TBC1D22A: variants seen among roughly 807,000 people sequenced by gnomAD.
TBC1D22A encodes the protein putative GTPase activator.
Under a neutral mutation model 60.2 loss-of-function variants are expected in TBC1D22A, and 38 were observed. That is an observed-to-expected ratio of 0.63 (90% confidence interval 0.49 to 0.83). The LOEUF is 0.83. Among genes scored for constraint, TBC1D22A ranks in the 40% least tolerant of loss-of-function variants. TBC1D22A has a pLI of 0.00. For synonymous variants in TBC1D22A, 302 were observed against 281.7 expected (o/e 1.07, Z -0.72); for missense variants, 628 against 701.0 (o/e 0.90, Z 1.18).
In TBC1D22A at chr22:46,797,533, ACT is replaced by A; in HGVS notation, c.554_555del (p.Leu185GlnfsTer28). 2.5e-6 allele frequency: 4 copies of A among 1,614,038 alleles called. No individual in the cohort carries two copies. Among genetic ancestry groups the A allele is most frequent in the Non-Finnish European group, 3.4e-6 (4 of 1,180,032 alleles). On this transcript the variant is annotated frameshift_variant, in exon 4 of 13. Coordinates refer to ENST00000337137, the MANE Select transcript of TBC1D22A (RefSeq NM_014346.5). LOFTEE classifies it high-confidence loss of function. ...GCTGGGTGGCACATCTGACCCCAGCACTCTCAGCAGCTCAGCGCTGAGCGAAA... is the reference window on the plus strand; with the variant it reads ...GCTGGGTGGCACATCTGACCCCAGCACTCAGCAGCTCAGCGCTGAGCGAAA... Reference protein sequence around the residue: ...VTLGGTSDPSTLSSSALSERE... With the variant: ...VTLGGTSDPSXLSSSALSERE...
chr22:46,941,208 T>TACACACACACACACACACACACAC (rs71315174), intron 8 of TBC1D22A, among the ~76,000 whole-genome samples: 2 of 84,848 alleles, frequency 2.4e-5, no homozygotes, highest in African/African-American at 4.9e-5. Context: ...TATATATGTA[T>TACACACACACACACACACACACAC]ACACACACAC....
intron 10 of TBC1D22A, among the ~76,000 whole-genome samples, chr22:47,029,295 C>T (rs1387475666): frequency 1.3e-5 from 2 of 151,776 alleles, no homozygotes; most frequent in Admixed American, 6.6e-5. Context: ...CTTCCATACC[C>T]CTTCCCGTGG....
intron 11 of TBC1D22A, among the ~76,000 whole-genome samples, chr22:47,046,401 G>A (rs756832440): frequency 2.9e-4 from 44 of 152,160 alleles, no homozygotes; most frequent in Non-Finnish European, 5.9e-4. Flanking sequence ...AATGCTTTGG[G>A]CCCCAGAGTC....
intron 4 of TBC1D22A, among the ~76,000 whole-genome samples, chr22:46,868,372 A>G (rs2067152139): frequency 6.6e-6 from 1 of 152,166 alleles, no homozygotes; most frequent in African/African-American, 2.4e-5. Context: ...TTGAGGCTAT[A>G]TGTGTAAGGT....
In TBC1D22A at chr22:46,842,021, C is replaced by G. The variant is rs144491881; in HGVS notation, c.638-36632C>G. 2.0e-5 allele frequency among the ~76,000 whole-genome samples: 3 copies of G among 152,294 alleles called. No individual in the cohort carries two copies. In the East Asian group the frequency reaches 5.8e-4, roughly 29 times the overall value. On this transcript the variant is annotated intron_variant, in intron 4 of 12. Coordinates refer to ENST00000337137, the MANE Select transcript of TBC1D22A (RefSeq NM_014346.5). ...TGGAAAAAAATTGCATCCAGATATT[C>G]CTGGTATCCCTAATAATAACATTCT... is the stretch of plus-strand genomic sequence containing the variant.
chr22:46,918,011 G>T (rs539555887), intron 8 of TBC1D22A, among the ~76,000 whole-genome samples: 1 of 152,326 alleles, frequency 6.6e-6, no homozygotes, highest in East Asian at 1.9e-4. Context: ...CTGAAGAGCT[G>T]CAGGCGGCCT....
intron 4 of TBC1D22A, among the ~76,000 whole-genome samples, chr22:46,866,987 G>A (rs1438466002): frequency 6.6e-6 from 1 of 152,170 alleles, no homozygotes; most frequent in African/African-American, 2.4e-5. Flanking sequence ...TGGGCTCATT[G>A]CAGGGAGGCT....
intron 4 of TBC1D22A, among the ~76,000 whole-genome samples, chr22:46,851,839 A>G (rs1442061207): frequency 1.3e-5 from 2 of 152,196 alleles, no homozygotes; most frequent in Non-Finnish European, 2.9e-5. Context: ...TTAGGCTCTT[A>G]ACAGGGGTGT....
chr22:46,845,260 G>A (rs557178735), intron 4 of TBC1D22A, among the ~76,000 whole-genome samples: 22 of 152,334 alleles, frequency 1.4e-4, no homozygotes, highest in East Asian at 3.9e-4. Context: ...TGCTTGAGAC[G>A]TAAGGACGTC....
chr22:46,866,317 C>T (rs2067052106), intron 4 of TBC1D22A, among the ~76,000 whole-genome samples: 1 of 152,132 alleles, frequency 6.6e-6, no homozygotes, highest in Admixed American at 6.5e-5. Flanking sequence ...TTGGGTCAGG[C>T]TGGTCTCAAA....
chr22:47,102,344 C>T (rs572763845), intron 11 of TBC1D22A, among the ~76,000 whole-genome samples: 2 of 152,272 alleles, frequency 1.3e-5, no homozygotes, highest in South Asian at 2.1e-4. Flanking sequence ...CACGCCACAG[C>T]CTCCTCCTGC....
chr22:46,803,802 C>T (rs942469858), intron 4 of TBC1D22A, among the ~76,000 whole-genome samples: 5 of 152,180 alleles, frequency 3.3e-5, no homozygotes, highest in African/African-American at 9.7e-5. Flanking sequence ...TGCAGAGGCC[C>T]GGGGCAGAGG....
chr22:46,890,109 G>A (rs898107331), intron 5 of TBC1D22A, among the ~76,000 whole-genome samples: 5 of 152,350 alleles, frequency 3.3e-5, no homozygotes, highest in African/African-American at 7.2e-5. Flanking sequence ...ACTTTGGGAG[G>A]CTGAGGCGGG....
chr22:46,961,167 T>C (rs1296784001), intron 8 of TBC1D22A, among the ~76,000 whole-genome samples: 3 of 152,160 alleles, frequency 2.0e-5, no homozygotes, highest in African/African-American at 7.2e-5. Context: ...AGCTTTCATA[T>C]TGAACTCTAA....
chr22:46,878,221 T>G (rs1180925192), intron 4 of TBC1D22A, among the ~76,000 whole-genome samples: 2 of 70,816 alleles, frequency 2.8e-5, no homozygotes, highest in Non-Finnish European at 2.6e-5. Flanking sequence ...TATAGAAAGT[T>G]GAGATGGAAG....
chr22:46,834,061 T>C (rs930895359), intron 4 of TBC1D22A, among the ~76,000 whole-genome samples: 2 of 152,204 alleles, frequency 1.3e-5, no homozygotes, highest in Admixed American at 1.3e-4. Flanking sequence ...TAAATTGTAT[T>C]TGGACCCTCT....
At chr22:46,901,122 GAAAT>G (rs1339655929) in intron 7 of TBC1D22A, among the ~76,000 whole-genome samples, 5 of 152,162 alleles carry the variant, frequency 3.3e-5, no homozygotes, top group African/African-American at 1.2e-4. Context: ...GTATATTCCT[GAAAT>G]AAATCCAGAT....
intron 7 of TBC1D22A, among the ~76,000 whole-genome samples, chr22:46,903,151 C>T (rs767015965): frequency 1.4e-4 from 21 of 152,184 alleles, no homozygotes; most frequent in Admixed American, 5.2e-4. Flanking sequence ...ACTCTGCAAC[C>T]CAGCCTCACG....
intron 11 of TBC1D22A, among the ~76,000 whole-genome samples, chr22:47,056,928 G>A (rs534778026): frequency 1.3e-5 from 2 of 152,314 alleles, no homozygotes; most frequent in East Asian, 1.9e-4. Flanking sequence ...CATGGGAGGT[G>A]CTGGCGGGCT....
Sources: allele counts gnomAD v4.1 joint callset (sites outside exome capture counted in the v4.1 genomes callset), GRCh38; gene constraint gnomAD v4.1.1; transcripts MANE v1.5; gene names NCBI Gene and HGNC (gene_info 2026-07-23, HGNC 2026-07-21).